Variants in TEX2 observed in about 807,000 individuals in gnomAD.
TEX2 encodes the protein testis expressed 2, also known as testis-expressed protein 2.
In TEX2, 53 loss-of-function variants were observed where a neutral mutation model predicts 106.9. The ratio of observed to expected loss-of-function variants is 0.50; its 90% CI spans 0.40 to 0.62. The LOEUF (loss-of-function observed/expected upper bound fraction) is 0.62, where lower values mean the gene tolerates loss of function less well. TEX2 is among the 20% of genes least tolerant of loss of function. The pLI, the probability that TEX2 is intolerant of heterozygous loss-of-function variation, is 0.00. For synonymous variants in TEX2, 523 were observed against 534.8 expected, an observed-to-expected ratio of 0.98 and a Z score of 0.30; for missense variants, 1,207 against 1,379.0, an observed-to-expected ratio of 0.88 and a Z score of 1.98.
intron 1 of TEX2, among the ~76,000 whole-genome samples, chr17:64,239,714 A>G (rs566233215): frequency 4.5e-4 from 68 of 151,912 alleles, no homozygotes; most frequent in African/African-American, 1.6e-3. Context: ...CGTCTCTACT[A>G]AAAATACAAA....
chr17:64,148,699 T>C lies in TEX2; in HGVS notation c.*270A>G. On this transcript the variant is annotated 3_prime_UTR_variant, in exon 12 of 12. Coordinates refer to ENST00000584379, the MANE Select transcript of TEX2 (RefSeq NM_001288732.2). ...GGGTAGACTTTTAAAAGCCATGGTG[T>C]GGGTCACGTATAACTTCTGGATCCA... The C allele has an allele frequency of 2.6e-6, 1 of 391,014 alleles. No individual in the cohort carries two copies. The highest frequency in any genetic ancestry group is 4.6e-6 in the Non-Finnish European group (1 of 216,844). The allele number at this position is 391,014 out of a possible 1,614,324, so 24.2% of individuals were successfully genotyped here. A position where few individuals can be genotyped will look rare whatever the true frequency, so the allele number is the denominator to read the frequency against.
At chr17:64,176,116 A>G (rs548326103) in intron 6 of TEX2, among the ~76,000 whole-genome samples, 12 of 152,264 alleles carry the variant, frequency 7.9e-5, no homozygotes, top group African/African-American at 2.9e-4. Flanking sequence ...ACAGGCTGAC[A>G]CCTGTCAACA....
At chr17:64,168,124 C>T (rs893393076) in intron 7 of TEX2, among the ~76,000 whole-genome samples, 9 of 152,148 alleles carry the variant, frequency 5.9e-5, no homozygotes, top group African/African-American at 1.9e-4. Context: ...TCACCTGGGT[C>T]GCATTTCCCT....
At chr17:64,160,504 G>A (rs1362734159) in intron 8 of TEX2, among the ~76,000 whole-genome samples, 2 of 152,042 alleles carry the variant, frequency 1.3e-5, no homozygotes, top group East Asian at 1.9e-4. Context: ...TTTATTGCTC[G>A]GATGAGTCTG....
In TEX2 at chr17:64,147,757, T is replaced by C. The variant is rs2030118281; in HGVS notation, c.*1212A>G. ...CATGTTTTCAATATATTAATTTCTT[T>C]AAAGTCATGTTCAGGCAAGGTGCTG... is the stretch of plus-strand genomic sequence containing the variant. On this transcript the variant is annotated 3_prime_UTR_variant, in exon 12 of 12. Transcript: ENST00000584379. 6.6e-6 allele frequency: 1 copy of C among 152,630 alleles called. No homozygotes were observed. The highest frequency in any genetic ancestry group is 2.4e-5 in the African/African-American group (1 of 41,436). The allele number at this position is 152,630 out of a possible 1,614,324, so 9.5% of individuals were successfully genotyped here.
In TEX2 at chr17:64,217,476, C is replaced by T. The variant is rs1243480116; in HGVS notation, c.-25-3234G>A. Among the ~76,000 whole-genome samples the T allele has an allele frequency of 1.3e-5, 2 of 152,252 alleles. No individual in the cohort carries two copies. The highest frequency in any genetic ancestry group is 4.8e-5 in the African/African-American group (2 of 41,472). ...TGCCTTTTCAAACATGCCACACACG[C>T]TCTTTATTCCTGCTTTGTCCCAGCT... On this transcript the variant is annotated intron_variant, in intron 1 of 11. Transcript: ENST00000584379. This position sits in a 1 kb window ranked among gnomAD's most constrained non-coding sequence, Gnocchi z 4.3.
chr17:64,233,895 T>A (rs542610735), intron 1 of TEX2, among the ~76,000 whole-genome samples: 2 of 152,314 alleles, frequency 1.3e-5, no homozygotes, highest in South Asian at 4.1e-4. Context: ...TCACTACACA[T>A]GCCTGTACTG....
intron 7 of TEX2, among the ~76,000 whole-genome samples, chr17:64,166,254 G>A (rs1204797009): frequency 2.0e-5 from 3 of 152,230 alleles, no homozygotes; most frequent in South Asian, 4.1e-4. Flanking sequence ...TGCTTTACAC[G>A]TAACACTGCA....
At chr17:64,253,356 G>C (rs2034128426) in intron 1 of TEX2, among the ~76,000 whole-genome samples, 1 of 149,696 alleles carries the variant, frequency 6.7e-6, no homozygotes, top group African/African-American at 2.5e-5. Flanking sequence ...TTGTAGACAG[G>C]GTCTCACTAT....
chr17:64,196,948 T>C (rs931840161), intron 2 of TEX2, among the ~76,000 whole-genome samples: 29 of 145,694 alleles, frequency 2.0e-4, no homozygotes, highest in Non-Finnish European at 3.2e-4. Flanking sequence ...TGGGAGTTGC[T>C]ACATCACGGA....
Position 64,217,409 on chromosome 17 carries a change from C to G in TEX2, c.-25-3167G>C, listed in dbSNP as rs1439655352. ...GGTTTGTCCAAGGGCACAGCACTGA[C>G]AACATGGGCTTCCTGACACTGAGGC... On this transcript the variant is annotated intron_variant, in intron 1 of 11. Transcript: ENST00000584379. This position sits in a 1 kb window ranked among gnomAD's most constrained non-coding sequence, Gnocchi z 4.3. 1.3e-5 allele frequency among the ~76,000 whole-genome samples: 2 copies of G among 152,230 alleles called. No homozygotes were observed. The highest frequency in any genetic ancestry group is 2.9e-5 in the Non-Finnish European group (2 of 68,042).
chr17:64,246,362 C>T (rs577953168), intron 1 of TEX2, among the ~76,000 whole-genome samples: 12 of 152,314 alleles, frequency 7.9e-5, no homozygotes, highest in African/African-American at 2.9e-4. Context: ...TCTCCTGCCT[C>T]AGCCTCCTGA....
intron 4 of TEX2, among the ~76,000 whole-genome samples, chr17:64,190,207 A>C (rs2032243768): frequency 6.6e-6 from 1 of 152,192 alleles, no homozygotes; most frequent in Admixed American, 6.5e-5. Flanking sequence ...TATTATCCTT[A>C]TACCGTTTTC....
intron 1 of TEX2, among the ~76,000 whole-genome samples, chr17:64,226,579 T>C (rs889627547): frequency 2.0e-5 from 3 of 152,174 alleles, no homozygotes; most frequent in African/African-American, 7.2e-5. Flanking sequence ...CTTCAATAGG[T>C]ATCTCCCAAG....
At chr17:64,193,083 G>A (rs1426735418) in intron 4 of TEX2, among the ~76,000 whole-genome samples, 1 of 152,218 alleles carries the variant, frequency 6.6e-6, no homozygotes, top group Non-Finnish European at 1.5e-5. Flanking sequence ...CCAAAGCTGA[G>A]CAAAGAGGTG....
chr17:64,154,605 A>G (rs1319339460), intron 9 of TEX2, among the ~76,000 whole-genome samples: 1 of 152,206 alleles, frequency 6.6e-6, no homozygotes, highest in Non-Finnish European at 1.5e-5. Context: ...CAACTTCTCT[A>G]TTATTTAATC....
At chr17:64,260,604 C>G (rs910488097) in intron 1 of TEX2, among the ~76,000 whole-genome samples, 3 of 152,212 alleles carry the variant, frequency 2.0e-5, no homozygotes, top group African/African-American at 7.2e-5. Context: ...GGCTATCACA[C>G]CTCCATTAGA....
chr17:64,213,327 G>T lies in TEX2; in HGVS notation c.891C>A (p.Val297=). ...TAAGGAGCTGAAAAGGCTCATAGAT[G>T]ACTTCTGAAAGGCGTCGTTTAGTAT... The part of the protein sequence containing the change: ...IEDTKRRLSE[V]IYEPFQLLSK... The change falls in exon 2 of 12, where the codon GTC becomes GTA. Residue 297 remains valine (V), a synonymous_variant. Coordinates refer to ENST00000584379, the MANE Select transcript of TEX2 (RefSeq NM_001288732.2). This position sits in a 1 kb window ranked among gnomAD's most constrained non-coding sequence, Gnocchi z 4.4. 2 of 1,614,030 alleles carry T rather than the reference G, an allele frequency of 1.2e-6. No homozygotes were observed. The highest frequency in any genetic ancestry group is 2.2e-5 in the South Asian group (2 of 91,056).
At chr17:64,183,173 TG>T (rs1338122135) in intron 5 of TEX2, among the ~76,000 whole-genome samples, 1 of 152,240 alleles carries the variant, frequency 6.6e-6, no homozygotes, top group Non-Finnish European at 1.5e-5. Context: ...TCCGAACTGC[TG>T]GGCTTACAGG....
Sources: gnomAD v4.1 joint callset for allele counts (sites outside exome capture counted in the v4.1 genomes callset) on GRCh38, gnomAD v4.1.1 for gene constraint, Gnocchi (gnomAD v3.1) non-coding constraint, MANE v1.5 for transcripts, NCBI Gene and HGNC (gene_info 2026-07-23, HGNC 2026-07-21) for gene names.